ZNF547: variants seen among roughly 807,000 people sequenced by gnomAD.
ZNF547 encodes the protein zinc finger protein 547.
In ZNF547, 4 loss-of-function variants were observed where a neutral mutation model predicts 7.7. That is an observed-to-expected ratio of 0.52 (90% CI 0.26 to 1.20). The LOEUF (loss-of-function observed/expected upper bound fraction) is 1.20, where lower values mean the gene tolerates loss of function less well. Among genes scored for constraint, ZNF547 ranks in the 50% most tolerant of loss-of-function variants. The pLI, the probability that ZNF547 is intolerant of heterozygous loss-of-function variation, is 0.14. For missense variants in ZNF547, 449 were observed against 485.8 expected (o/e 0.92, Z 0.71); for synonymous variants, 166 against 166.2 (o/e 1.00, Z 0.01).
chr19:57,377,030 A>G (rs1162292290), intron 3 of ZNF547, 98 bp from the exon 4 acceptor site: 5 of 1,252,776 alleles, frequency 4.0e-6, no homozygotes, highest in East Asian at 2.4e-5. Context: ...CACCAATTCC[A>G]TGATCATTTT....
chr19:57,377,381 A>G lies in ZNF547; in HGVS notation c.405A>G (p.Arg135=), dbSNP rs370936486. The change falls in exon 4 of 4, where the codon AGA becomes AGG. Residue 135 remains arginine (R), a synonymous_variant. Transcript: ENST00000282282. Reference sequence around the variant, plus strand: ...AGCAGATTAGAGAGAAACTTTCTAGAGGGGATGGAGGAAGACCGACATTTG... The same window carrying G: ...AGCAGATTAGAGAGAAACTTTCTAGGGGGGATGGAGGAAGACCGACATTTG... ...QKEQIREKLS[R]GDGGRPTFVK... is the part of the protein sequence containing the mutation. 38 of 1,614,070 alleles carry G rather than the reference A, an allele frequency of 2.4e-5. No individual in the cohort carries two copies. Among genetic ancestry groups the G allele is most frequent in the Non-Finnish European group, 2.8e-5 (33 of 1,180,020 alleles).
rs61547238 is a variant in ZNF547 at position 57,369,899 on chromosome 19, CT to C, written c.24+1344del. On this transcript the variant is annotated intron_variant, in intron 2 of 3. Coordinates refer to ENST00000282282, the MANE Select transcript of ZNF547 (RefSeq NM_173631.4). ...AAAGAAGTTTAATTGACTCACAGTT[CT>C]TTTTTTTTTTTTTTTTTTTTTTTGA... Among the ~76,000 whole-genome samples the C allele has an allele frequency of 8.4e-3, 433 of 51,626 alleles. 3 individuals carry two copies. The highest frequency in any genetic ancestry group is 0.032 in the African/African-American group (403 of 12,742). 33.9% of individuals were successfully genotyped at this position (51,626 alleles called of 152,430 possible).
rs182792891 is a variant in ZNF547 at position 57,367,002 on chromosome 19, C to G, written c.-12-1542C>G. 2.0e-4 allele frequency among the ~76,000 whole-genome samples: 30 copies of G among 152,304 alleles called. No individual in the cohort carries two copies. The East Asian group carries it at 5.8e-3, about 29-fold the overall frequency. On this transcript the variant is annotated intron_variant, in intron 1 of 3. Coordinates refer to ENST00000282282, the MANE Select transcript of ZNF547 (RefSeq NM_173631.4). Reference sequence around the variant, plus strand: ...TGAATCATGTTTGTAAAATAGGAGGCTGGGAGCAGTTCCAGGCCACAGTGA... The same window carrying G: ...TGAATCATGTTTGTAAAATAGGAGGGTGGGAGCAGTTCCAGGCCACAGTGA...
At chr19:57,371,630 T>C in intron 2 of ZNF547, 152 bp from the exon 3 acceptor site, 2 of 1,185,874 alleles carry the variant, frequency 1.7e-6, no homozygotes, top group Admixed American at 4.9e-5. Flanking sequence ...TAAGAATATG[T>C]GCCCAGGATG....
rs767245129 is a variant in ZNF547 at position 57,378,137 on chromosome 19, TA to T, written c.1162del (p.Arg388GlyfsTer46). 7.4e-6 allele frequency: 12 copies of T among 1,613,358 alleles called. No homozygotes were observed. Among genetic ancestry groups the T allele is most frequent in the Admixed American group, 6.7e-5 (4 of 60,010 alleles). On this transcript the variant is annotated frameshift_variant, in exon 4 of 4. Transcript: ENST00000282282. LOFTEE classifies it low-confidence loss of function (END_TRUNC). The part of the protein sequence containing the change: ...KQCSECGKFF[R>X]YNSTLLRHQK... ...AGTGCAGTGAATGTGGGAAATTCTT[TA>T]GGTATAACTCTACACTTCTCAGACA...
Position 57,370,373 on chromosome 19 carries a change from C to T in ZNF547, c.25-1409C>T, listed in dbSNP as rs559499113. ...TCAACCCAGGGCTTAGGGCTGCCCC[C>T]GGTGCTAGGGAACTTTGGTGTTCTG... On this transcript the variant is annotated intron_variant, in intron 2 of 3. Transcript: ENST00000282282. 4.6e-5 allele frequency among the ~76,000 whole-genome samples: 7 copies of T among 152,218 alleles called. No homozygotes were observed. In the South Asian group the frequency reaches 1.2e-3, roughly 27 times the overall value.
At position 57,378,819 on chromosome 19, in the gene ZNF547, A is replaced by G; in HGVS notation, c.*634A>G. ...CTGAACTCTTTATCTTGTAAAATGA[A>G]ACTCTATAACCACCATTAAAAAAAC... On this transcript the variant is annotated 3_prime_UTR_variant, in exon 4 of 4. Coordinates refer to ENST00000282282, the MANE Select transcript of ZNF547 (RefSeq NM_173631.4). The G allele has an allele frequency of 2.4e-6, 1 of 424,274 alleles. No homozygotes were observed. The allele number at this position is 424,274 out of a possible 1,614,324, so 26.3% of individuals were successfully genotyped here. A position where few individuals can be genotyped will look rare whatever the true frequency, so the allele number is the denominator to read the frequency against.
At chr19:57,372,851 C>T (rs1159885048) in intron 3 of ZNF547, among the ~76,000 whole-genome samples, 2 of 152,240 alleles carry the variant, frequency 1.3e-5, no homozygotes, top group African/African-American at 4.8e-5. Context: ...TAGACACAGC[C>T]TTCTACACAC....
rs373698675 is a variant in ZNF547 at position 57,377,283 on chromosome 19, G to A, written c.307G>A (p.Ala103Thr). 6.2e-7 allele frequency: 1 copy of A among 1,614,052 alleles called. No homozygotes were observed. Among genetic ancestry groups the A allele is most frequent in the Non-Finnish European group, 8.5e-7 (1 of 1,180,040 alleles). ...SSLLKDILRLAEHDGTHPEQG... is the reference protein window; with the variant it reads ...SSLLKDILRLTEHDGTHPEQG... ...ACTTCTGAAGGACATTCTGCGTCTG[G>A]CTGAGCATGACGGAACACACCCCGA... is the stretch of plus-strand genomic sequence containing the variant. The change falls in exon 4 of 4, where the codon GCT becomes ACT. Residue 103 changes from alanine (A) to threonine (T), a missense_variant. Physicochemically the swap from Ala to Thr is moderately conservative, Grantham distance 58. Transcript: ENST00000282282.
At chr19:57,368,392 T>C (rs1056864779) in intron 1 of ZNF547, 152 bp from the exon 2 acceptor site, 18 of 655,526 alleles carry the variant, frequency 2.7e-5, no homozygotes, top group Admixed American at 2.7e-4. Context: ...ACAGTGCTGC[T>C]AAGAGCCAAC....
chr19:57,377,816 C>T lies in ZNF547; in HGVS notation c.840C>T (p.Asn280=). ...CSECGKFFKC[N]SNLFRHYRIH... ...AATGTGGGAAGTTCTTTAAGTGCAA[C>T]TCAAACCTCTTTAGGCATTACAGAA... Residue 280 remains asparagine (N), a synonymous_variant, in exon 4 of 4, where the codon AAC becomes AAT. Coordinates refer to ENST00000282282, the MANE Select transcript of ZNF547 (RefSeq NM_173631.4). 3 of 1,613,770 alleles carry T rather than the reference C, an allele frequency of 1.9e-6. No homozygotes were observed. In the African/African-American group the frequency reaches 4.0e-5, roughly 22 times the overall value.
chr19:57,374,910 C>T (rs1489880785), intron 3 of ZNF547, among the ~76,000 whole-genome samples: 1 of 152,112 alleles, frequency 6.6e-6, no homozygotes, highest in African/African-American at 2.4e-5. Context: ...CCCACATTTC[C>T]TGTCTTCTGC....
chr19:57,374,849 C>G (rs1162183428), intron 3 of ZNF547, among the ~76,000 whole-genome samples: 1 of 152,186 alleles, frequency 6.6e-6, no homozygotes, highest in African/African-American at 2.4e-5. Context: ...ATTGCTAAAT[C>G]AGCATTTTGA....
Position 57,377,135 on chromosome 19 carries a change from C to T in ZNF547, c.159C>T (p.Cys53=), listed in dbSNP as rs1415779178. Reference sequence around the variant, plus strand: ...GCATTTTTATTCTTACAGGTTGTTGCCATGGAGCTGAGGATGAGGAGGCAC... The same window carrying T: ...GCATTTTTATTCTTACAGGTTGTTGTCATGGAGCTGAGGATGAGGAGGCAC... ...NLALLSSLGC[C]HGAEDEEAPL... is the part of the protein sequence containing the mutation. Residue 53 remains cysteine, a synonymous_variant, in exon 4 of 4, where the codon TGC becomes TGT. Coordinates refer to ENST00000282282, the MANE Select transcript of ZNF547 (RefSeq NM_173631.4). The T allele has an allele frequency of 1.9e-6, 3 of 1,611,854 alleles. No individual in the cohort carries two copies. The highest frequency in any genetic ancestry group is 2.2e-5 in the East Asian group (1 of 44,790).
At chr19:57,371,703 T>C in intron 2 of ZNF547, 79 bp from the exon 3 acceptor site, 4 of 1,528,640 alleles carry the variant, frequency 2.6e-6, no homozygotes, top group Middle Eastern at 1.8e-4. Context: ...GTGGTAAATA[T>C]AAGTAGAAAA....
In ZNF547 at chr19:57,378,987, T is replaced by A; in HGVS notation, c.*802T>A. On this transcript the variant is annotated 3_prime_UTR_variant, in exon 4 of 4. Coordinates refer to ENST00000282282, the MANE Select transcript of ZNF547 (RefSeq NM_173631.4). ...TTCACTTAGGATAATATCCTCAAAG[T>A]TCATTCATTTTTTAGCATGTGTCAG... The A allele has an allele frequency of 5.7e-6, 1 of 175,542 alleles. No homozygotes were observed. Among genetic ancestry groups the A allele is most frequent in the Non-Finnish European group, 1.2e-5 (1 of 82,020 alleles). 10.9% of individuals were successfully genotyped at this position (175,542 alleles called of 1,614,324 possible).
At chr19:57,375,139 T>C (rs992516290) in intron 3 of ZNF547, among the ~76,000 whole-genome samples, 10 of 151,822 alleles carry the variant, frequency 6.6e-5, no homozygotes, top group African/African-American at 1.9e-4. Flanking sequence ...TCATCTGAGG[T>C]AGGAGTTTGA....
At position 57,377,726 on chromosome 19, in the gene ZNF547, G is replaced by A. The variant is rs1431448339; in HGVS notation, c.750G>A (p.Met250Ile). ...GCAGTGAATGTGGGAAATTGTTTAT[G>A]TGGAGTTCCACACTCATTACACATC... ...YECSECGKLF[M>I]WSSTLITHQR... The change falls in exon 4 of 4, where the codon ATG becomes ATA. Residue 250 changes from methionine (M) to isoleucine (I), a missense_variant. Transcript: ENST00000282282. 5 of 1,613,684 alleles carry A rather than the reference G, an allele frequency of 3.1e-6. No homozygotes were observed. In the African/African-American group the frequency reaches 5.3e-5, roughly 17 times the overall value.
intron 3 of ZNF547, among the ~76,000 whole-genome samples, chr19:57,375,095 A>G (rs2088527916): frequency 6.6e-6 from 1 of 152,190 alleles, no homozygotes. Flanking sequence ...TCACTCCTGT[A>G]ATCCCAGCAC....
Sources: gnomAD v4.1 joint callset for allele counts (sites outside exome capture counted in the v4.1 genomes callset) on GRCh38, gnomAD v4.1.1 for gene constraint, MANE v1.5 for transcripts, NCBI Gene and HGNC (gene_info 2026-07-23, HGNC 2026-07-21) for gene names.